DTNBP1: variants seen among roughly 807,000 people sequenced by gnomAD.
DTNBP1 encodes dysbindin.
Under a neutral mutation model 42.8 loss-of-function variants are expected in DTNBP1, and 35 were observed. That is an observed-to-expected ratio of 0.82 (90% CI 0.63 to 1.09). The LOEUF (loss-of-function observed/expected upper bound fraction) is 1.09, where lower values mean the gene tolerates loss of function less well. Ranked by LOEUF, DTNBP1 falls within the 50% of genes least tolerant of loss-of-function variation. DTNBP1 has a pLI of 0.00. For missense variants in DTNBP1, 457 were observed against 424.2 expected, an observed-to-expected ratio of 1.08 and a Z score of -0.68; for synonymous variants, 171 against 162.2, an observed-to-expected ratio of 1.05 and a Z score of -0.41.
At chr6:15,573,046 T>C (rs1472297022) in intron 7 of DTNBP1, among the ~76,000 whole-genome samples, 1 of 152,194 alleles carries the variant, frequency 6.6e-6, no homozygotes, top group Non-Finnish European at 1.5e-5. Context: ...ATGTTCTTAA[T>C]CATCTGCTAC....
chr6:15,659,789 T>A (rs1353171997), intron 1 of DTNBP1, among the ~76,000 whole-genome samples: 7 of 152,066 alleles, frequency 4.6e-5, no homozygotes. Flanking sequence ...CCTGACCTCA[T>A]GATCCGCCTG....
chr6:15,543,736 A>C (rs1773713136), intron 7 of DTNBP1, among the ~76,000 whole-genome samples: 1 of 151,940 alleles, frequency 6.6e-6, no homozygotes. Flanking sequence ...AGCCTCTGTC[A>C]CCTGTTCTGT....
At chr6:15,662,189 C>T (rs1282469822) in intron 1 of DTNBP1, among the ~76,000 whole-genome samples, 1 of 152,270 alleles carries the variant, frequency 6.6e-6, no homozygotes, top group Non-Finnish European at 1.5e-5. Flanking sequence ...AAAGTTCTGT[C>T]GCTTCTCCTG....
intron 7 of DTNBP1, chr6:15,546,016 A>G: frequency 2.2e-6 from 1 of 447,750 alleles, no homozygotes; most frequent in Non-Finnish European, 4.5e-6. Flanking sequence ...TCCCATCGCC[A>G]GGAGGGTGGA....
chr6:15,616,643 T>C (rs1758734510), intron 5 of DTNBP1, among the ~76,000 whole-genome samples: 1 of 152,230 alleles, frequency 6.6e-6, no homozygotes, highest in Non-Finnish European at 1.5e-5. Context: ...ATTTACGTAC[T>C]AGCTTTTTAC....
chr6:15,551,192 C>T (rs1774191906), intron 7 of DTNBP1, among the ~76,000 whole-genome samples: 1 of 151,452 alleles, frequency 6.6e-6, no homozygotes, highest in African/African-American at 2.4e-5. Context: ...GACAGGACAC[C>T]CCTGCTTGGG....
chr6:15,608,637 C>T (rs1268034277), intron 6 of DTNBP1, among the ~76,000 whole-genome samples: 2 of 152,220 alleles, frequency 1.3e-5, no homozygotes, highest in South Asian at 2.1e-4. Flanking sequence ...TGGAGCACAT[C>T]CTCCAGGAGC....
chr6:15,590,157 T>C (rs1028117881), intron 7 of DTNBP1, among the ~76,000 whole-genome samples: 1 of 152,154 alleles, frequency 6.6e-6, no homozygotes, highest in African/African-American at 2.4e-5. Context: ...TGTTCTCGAA[T>C]GCCTGACCTC....
intron 5 of DTNBP1, among the ~76,000 whole-genome samples, chr6:15,619,214 T>G (rs911922950): frequency 6.6e-6 from 1 of 152,134 alleles, no homozygotes; most frequent in Non-Finnish European, 1.5e-5. Flanking sequence ...AAGAGTGGAT[T>G]TTGAATGTTC....
intron 4 of DTNBP1, among the ~76,000 whole-genome samples, chr6:15,636,743 T>C (rs1760051695): frequency 1.3e-5 from 2 of 152,208 alleles, no homozygotes; most frequent in Non-Finnish European, 1.5e-5. Context: ...CCCACAAATC[T>C]CCAAAGCTTT....
intron 7 of DTNBP1, among the ~76,000 whole-genome samples, chr6:15,581,099 T>A (rs1215973493): frequency 6.6e-6 from 1 of 152,146 alleles, no homozygotes; most frequent in Non-Finnish European, 1.5e-5. Flanking sequence ...TGGGACGAGG[T>A]GTTGGATGAC....
intron 4 of DTNBP1, among the ~76,000 whole-genome samples, chr6:15,629,022 A>T (rs948211946): frequency 1.3e-5 from 2 of 152,050 alleles, no homozygotes; most frequent in Non-Finnish European, 2.9e-5. Context: ...ATTTCTCATT[A>T]TTTTTGTGTA....
chr6:15,591,806 A>C, intron 7 of DTNBP1, among the ~76,000 whole-genome samples: 1 of 152,144 alleles, frequency 6.6e-6, no homozygotes. Context: ...TTCATCTCTT[A>C]CTGTTATATA....
chr6:15,573,632 A>G (rs184967846), intron 7 of DTNBP1, among the ~76,000 whole-genome samples: 22 of 152,240 alleles, frequency 1.4e-4, no homozygotes, highest in African/African-American at 5.1e-4. Context: ...AACAAGAGCA[A>G]AGTCTGTCTC....
intron 7 of DTNBP1, among the ~76,000 whole-genome samples, chr6:15,553,594 CTT>C (rs56173414): frequency 1.5e-4 from 11 of 72,944 alleles, no homozygotes; most frequent in South Asian, 6.4e-4. Context: ...GACAAGTGAG[CTT>C]TTTTTTTTTT....
chr6:15,557,530 T>G (rs974565537), intron 7 of DTNBP1, among the ~76,000 whole-genome samples: 28 of 152,190 alleles, frequency 1.8e-4, no homozygotes, highest in African/African-American at 6.8e-4. Context: ...GAATCCTACC[T>G]TATGGTCAAA....
At chr6:15,617,120 G>A (rs540647371) in intron 5 of DTNBP1, among the ~76,000 whole-genome samples, 2 of 152,168 alleles carry the variant, frequency 1.3e-5, no homozygotes, top group Middle Eastern at 3.4e-3. Context: ...TCAGCACTTC[G>A]GGAGGCTGAG....
intron 7 of DTNBP1, among the ~76,000 whole-genome samples, chr6:15,545,419 AAAGTT>A (rs1368369654): frequency 1.3e-5 from 2 of 152,224 alleles, no homozygotes; most frequent in African/African-American, 4.8e-5. Flanking sequence ...TGTGCATGCT[AAAGTT>A]AACACACGTT....
chr6:15,649,737 A>G (rs1760876413), intron 3 of DTNBP1, among the ~76,000 whole-genome samples: 1 of 152,246 alleles, frequency 6.6e-6, no homozygotes, highest in Non-Finnish European at 1.5e-5. Context: ...TTCCAATGGG[A>G]AAAGACTGTT....
Sources: gnomAD v4.1 joint callset for allele counts (sites outside exome capture counted in the v4.1 genomes callset) on GRCh38, gnomAD v4.1.1 for gene constraint, MANE v1.5 for transcripts, NCBI Gene and HGNC (gene_info 2026-07-23, HGNC 2026-07-21) for gene names.